CPXM2: variants seen among roughly 807,000 people sequenced by gnomAD.
CPXM2 encodes inactive carboxypeptidase-like protein X2.
A neutral mutation model predicts 86.1 loss-of-function variants in CPXM2; 66 were observed. The observed-to-expected ratio is 0.77, with a 90% confidence interval of 0.63 to 0.94. The LOEUF is 0.94. Ranked by LOEUF, CPXM2 falls within the 40% of genes least tolerant of loss-of-function variation. CPXM2 has a pLI of 0.00. For synonymous variants in CPXM2, 388 were observed against 400.2 expected (o/e 0.97, Z 0.36); for missense variants, 948 against 1,026.3 (o/e 0.92, Z 1.04).
intron 3 of CPXM2, among the ~76,000 whole-genome samples, chr10:123,857,047 C>T (rs906585288): frequency 6.6e-6 from 1 of 152,124 alleles, no homozygotes; most frequent in Non-Finnish European, 1.5e-5. Flanking sequence ...TAAAGGGGTC[C>T]TGGGCGCACA....
Position 123,753,453 on chromosome 10 carries a change from AG to A in CPXM2, c.2017+1209del, listed in dbSNP as rs78247973. 5.7e-4 allele frequency among the ~76,000 whole-genome samples: 87 copies of A among 152,350 alleles called. 2 individuals carry two copies. In the East Asian group the frequency reaches 0.013, roughly 22 times the overall value. ...GCATCTTCCAGCCCACCTGGGGGTC[AG>A]AAACCTGAAGCCAAACCCCACTAAC... On this transcript the variant is annotated intron_variant, in intron 13 of 13. Coordinates refer to ENST00000241305, the MANE Select transcript of CPXM2 (RefSeq NM_198148.3).
At chr10:123,851,381 G>A (rs918095398) in intron 3 of CPXM2, among the ~76,000 whole-genome samples, 2 of 152,114 alleles carry the variant, frequency 1.3e-5, no homozygotes, top group Non-Finnish European at 2.9e-5. Context: ...CAGATATATT[G>A]GGCATACAGA....
At position 123,746,490 on chromosome 10, in the gene CPXM2, C is replaced by G. The variant is rs767905276; in HGVS notation, c.*274G>C. The G allele has an allele frequency of 6.2e-6, 3 of 484,746 alleles. No homozygotes were observed. The East Asian group carries it at 1.1e-4, about 17-fold the overall frequency. The allele number at this position is 484,746 out of a possible 1,614,324, so 30.0% of individuals were successfully genotyped here. A position where few individuals can be genotyped will look rare whatever the true frequency, so the allele number is the denominator to read the frequency against. The stretch of plus-strand genomic sequence containing the variant: ...GACAGGCTCCCCTCCTTCTCCTTCT[C>G]TCTCTGATTCCCAGGTTGGCTTGCT... On this transcript the variant is annotated 3_prime_UTR_variant, in exon 14 of 14. Transcript: ENST00000241305.
intron 3 of CPXM2, among the ~76,000 whole-genome samples, 182 bp downstream of exon 3, chr10:123,862,432 G>C (rs1848869946): frequency 6.6e-6 from 1 of 152,232 alleles, no homozygotes; most frequent in African/African-American, 2.4e-5. Flanking sequence ...CTTTGGAGAA[G>C]ACATTGCCTC....
At chr10:123,785,796 C>A (rs995522475) in intron 6 of CPXM2, among the ~76,000 whole-genome samples, 4 of 152,038 alleles carry the variant, frequency 2.6e-5, no homozygotes, top group African/African-American at 9.7e-5. Context: ...CCACGCCTGG[C>A]TAAATTTTTT....
At chr10:123,833,408 C>A (rs1052684969) in intron 4 of CPXM2, among the ~76,000 whole-genome samples, 7 of 152,222 alleles carry the variant, frequency 4.6e-5, no homozygotes, top group Non-Finnish European at 1.0e-4. Flanking sequence ...TTCTTAGCTG[C>A]AACATAATTC....
At chr10:123,751,747 T>C (rs983235431) in intron 13 of CPXM2, 3 of 985,230 alleles carry the variant, frequency 3.0e-6, no homozygotes, top group Non-Finnish European at 3.6e-6. Flanking sequence ...CAGATAGAAA[T>C]CAAGGCAAAT....
At chr10:123,841,557 C>T (rs570196550) in intron 4 of CPXM2, among the ~76,000 whole-genome samples, 1 of 152,294 alleles carries the variant, frequency 6.6e-6, no homozygotes, top group Admixed American at 6.5e-5. Flanking sequence ...TAATTTCTGC[C>T]TCTGTACATC....
chr10:123,809,015 T>C (rs1227654733), intron 4 of CPXM2, among the ~76,000 whole-genome samples: 2 of 152,122 alleles, frequency 1.3e-5, no homozygotes, highest in African/African-American at 4.8e-5. Flanking sequence ...TTGCACCATT[T>C]TGAGTAGCAT....
rs548029056 is a variant in CPXM2 at position 123,796,171 on chromosome 10, G to T, written c.889+1805C>A. On this transcript the variant is annotated intron_variant, in intron 6 of 13. Coordinates refer to ENST00000241305, the MANE Select transcript of CPXM2 (RefSeq NM_198148.3). ...GCCACAGAAGGAGGCCCACATCCAC[G>T]ATCAGGCCTTCCACATTCTCTCTGC... is the stretch of plus-strand genomic sequence containing the variant. 4.6e-5 allele frequency among the ~76,000 whole-genome samples: 7 copies of T among 152,354 alleles called. No homozygotes were observed. In the East Asian group the frequency reaches 1.4e-3, roughly 29 times the overall value.
intron 4 of CPXM2, among the ~76,000 whole-genome samples, chr10:123,841,895 T>C (rs551628580): frequency 3.0e-4 from 45 of 152,304 alleles, no homozygotes; most frequent in African/African-American, 1.0e-3. Flanking sequence ...TCACTACTTC[T>C]CTCGTGATCC....
chr10:123,838,615 G>A (rs540048326), intron 4 of CPXM2, among the ~76,000 whole-genome samples: 120 of 152,208 alleles, frequency 7.9e-4, no homozygotes, highest in Middle Eastern at 3.4e-3. Context: ...AAAATCTACC[G>A]GGCTGGCAAG....
At position 123,891,504 on chromosome 10, in the gene CPXM2, G is replaced by T; in HGVS notation, c.156C>A (p.Pro52=). The T allele has an allele frequency of 6.5e-7, 1 of 1,547,704 alleles. No homozygotes were observed. Among genetic ancestry groups the T allele is most frequent in the Non-Finnish European group, 8.7e-7 (1 of 1,145,226 alleles). Residue 52 remains proline, a synonymous_variant, in exon 1 of 14, where the codon CCC becomes CCA. Coordinates refer to ENST00000241305, the MANE Select transcript of CPXM2 (RefSeq NM_198148.3). The surrounding 1 kb of genome is among the most constrained non-coding windows in gnomAD (Gnocchi z 5.6). ...GCGGCGGAGAGAAGGTCTCGAGCTC[G>T]GGCTCCGGGCGCGCGTAGTAGGGCT... The part of the protein sequence containing the change: ...SREPYYARPE[P]ELETFSPPLP...
In CPXM2 at chr10:123,885,275, G is replaced by A. The variant is rs181323160; in HGVS notation, c.305-4966C>T. Among the ~76,000 whole-genome samples, 2 of 152,098 alleles carry A rather than the reference G, an allele frequency of 1.3e-5. No individual in the cohort carries two copies. Among genetic ancestry groups the A allele is most frequent in the Admixed American group, 6.6e-5 (1 of 15,258 alleles). ...ACTCCGGAGGCTGGGAGGCTAGAAG[G>A]CTGGGAGGCTGGGAGGCTGGAAGGC... On this transcript the variant is annotated intron_variant, in intron 1 of 13. Transcript: ENST00000241305. This position sits in a 1 kb window ranked among gnomAD's most constrained non-coding sequence, Gnocchi z 4.0.
chr10:123,794,907 T>C (rs556684208), intron 6 of CPXM2, among the ~76,000 whole-genome samples: 10 of 152,138 alleles, frequency 6.6e-5, no homozygotes, highest in African/African-American at 2.4e-4. Flanking sequence ...GTAGCTGGGA[T>C]TACAGGCACC....
chr10:123,777,920 A>C (rs1846836851), intron 7 of CPXM2, among the ~76,000 whole-genome samples: 3 of 152,200 alleles, frequency 2.0e-5, no homozygotes, highest in Non-Finnish European at 1.5e-5. Flanking sequence ...GGCAATGTAC[A>C]TATAAACCAG....
chr10:123,928,970 G>A (rs988303949), intron 2 of CPXM2, among the ~76,000 whole-genome samples: 4 of 152,190 alleles, frequency 2.6e-5, no homozygotes, highest in Admixed American at 6.5e-5. Context: ...GAAGATCCTG[G>A]GAAGACTGTG....
At chr10:123,894,868 C>T (rs1363403586), upstream of CPXM2, among the ~76,000 whole-genome samples, 1 of 152,164 alleles carries the variant, frequency 6.6e-6, no homozygotes, top group Non-Finnish European at 1.5e-5. Flanking sequence ...AATCCGTGCT[C>T]AGCAGGTCTC....
intron 4 of CPXM2, among the ~76,000 whole-genome samples, chr10:123,806,536 T>G (rs1847581139): frequency 6.6e-6 from 1 of 152,194 alleles, no homozygotes; most frequent in African/African-American, 2.4e-5. Context: ...TGTTATAGTA[T>G]ACTGGTTAAT....
Sources: gnomAD v4.1 joint callset for allele counts (sites outside exome capture counted in the v4.1 genomes callset) on GRCh38, gnomAD v4.1.1 for gene constraint, Gnocchi (gnomAD v3.1) non-coding constraint, MANE v1.5 for transcripts, NCBI Gene and HGNC (gene_info 2026-07-23, HGNC 2026-07-21) for gene names.